Variants in VSIG10L2 observed in about 807,000 individuals in gnomAD.
The protein encoded by VSIG10L2 is V-set and immunoglobulin domain containing 10 like 2, also known as V-set and immunoglobulin domain-containing protein 10-like 2.
VSIG10L2 carries 56 observed loss-of-function variants against 67.1 expected under a neutral mutation model. The observed-to-expected ratio is 0.83, with a 90% confidence interval of 0.67 to 1.04. The LOEUF is 1.04. VSIG10L2 is among the 50% of genes least tolerant of loss of function. VSIG10L2 has a pLI of 0.00. For missense variants in VSIG10L2, 843 were observed against 932.8 expected (o/e 0.90, Z 1.25); for synonymous variants, 360 against 396.6 (o/e 0.91, Z 1.10).
In VSIG10L2 at chr11:125,948,049, C is replaced by T; in HGVS notation, c.433+13C>T. Reference sequence around the variant, plus strand: ...CTGGCTGTGCTGGGTGAGGGCCTGGCCCCAGCTGCAGCTGGTCCGCGGGCT... The same window carrying T: ...CTGGCTGTGCTGGGTGAGGGCCTGGTCCCAGCTGCAGCTGGTCCGCGGGCT... On this transcript the variant is annotated intron_variant, in intron 2 of 11. Coordinates refer to ENST00000686984, the MANE Select transcript of VSIG10L2 (RefSeq NM_001365077.2). The T allele has an allele frequency of 8.1e-7, 1 of 1,232,628 alleles. No individual in the cohort carries two copies. The highest frequency in any genetic ancestry group is 1.0e-6 in the Non-Finnish European group (1 of 988,368). The allele number at this position is 1,232,628 out of a possible 1,614,324, so 76.4% of individuals were successfully genotyped here.
chr11:125,951,025 G>T lies in VSIG10L2; in HGVS notation c.1101G>T (p.Gln367His). The change falls in exon 5 of 12, where the codon CAG (glutamine) becomes CAT (histidine). Residue 367 changes from glutamine to histidine, a missense_variant. By Grantham distance (24) the Gln-to-His change is conservative. This residue lies in a region of VSIG10L2 where 446 missense variants were observed against 548.4 expected (regional missense o/e 0.81). Coordinates refer to ENST00000686984, the MANE Select transcript of VSIG10L2 (RefSeq NM_001365077.2). ...CCCAACTGCAGTGGGAAGGGCCTCA[G>T]GGACCTGGCCCTACTGCCCCCAGCA... ...PPAQLQWEGPQGPGPTAPSNV... is the reference protein window; with the variant it reads ...PPAQLQWEGPHGPGPTAPSNV... The T allele has an allele frequency of 8.1e-7, 1 of 1,232,484 alleles. No individual in the cohort carries two copies. Among genetic ancestry groups the T allele is most frequent in the Non-Finnish European group, 1.0e-6 (1 of 988,230 alleles). The allele number at this position is 1,232,484 out of a possible 1,614,324, so 76.3% of individuals were successfully genotyped here. A position where few individuals can be genotyped will look rare whatever the true frequency, so the allele number is the denominator to read the frequency against.
chr11:125,950,308 T>G lies in VSIG10L2; in HGVS notation c.985+19T>G. ...ATCTACTGTGAGTGTGGGGGTCGGGTGACGCCCAGACCTGTCCTGGGGACA... is the reference window on the plus strand; with the variant it reads ...ATCTACTGTGAGTGTGGGGGTCGGGGGACGCCCAGACCTGTCCTGGGGACA... On this transcript the variant is annotated intron_variant, in intron 4 of 11. Coordinates refer to ENST00000686984, the MANE Select transcript of VSIG10L2 (RefSeq NM_001365077.2). The G allele has an allele frequency of 8.1e-7, 1 of 1,231,456 alleles. No homozygotes were observed. The highest frequency in any genetic ancestry group is 1.0e-6 in the Non-Finnish European group (1 of 987,374). 76.3% of individuals were successfully genotyped at this position (1,231,456 alleles called of 1,614,324 possible).
chr11:125,954,315 T>C lies in VSIG10L2; in HGVS notation c.2015T>C (p.Leu672Pro). 2 of 1,232,128 alleles carry C rather than the reference T, an allele frequency of 1.6e-6. No individual in the cohort carries two copies. Among genetic ancestry groups the C allele is most frequent in the South Asian group, 4.1e-5 (1 of 24,306 alleles). The allele number at this position is 1,232,128 out of a possible 1,614,324, so 76.3% of individuals were successfully genotyped here. Residue 672 changes from leucine to proline, a missense_variant, in exon 8 of 12, where the codon CTT becomes CCT. Physicochemically the swap from Leu to Pro is moderately conservative, Grantham distance 98 (BLOSUM62 -3). Transcript: ENST00000686984. ...CTGGGGGGCTTGGACCCCGGGGTCC[T>C]TTATGCCTTCCGCATCCTGGCTCTG... is the stretch of plus-strand genomic sequence containing the variant. ...RRLGGLDPGVLYAFRILALNH... is the reference protein window; with the variant it reads ...RRLGGLDPGVPYAFRILALNH...
At position 125,950,033 on chromosome 11, in the gene VSIG10L2, G is replaced by A. The variant is rs1945344954; in HGVS notation, c.729G>A (p.Val243=). 1 of 1,232,334 alleles carries A rather than the reference G, an allele frequency of 8.1e-7. No homozygotes were observed. The highest frequency in any genetic ancestry group is 1.5e-5 in the African/African-American group (1 of 64,560). 76.3% of individuals were successfully genotyped at this position (1,232,334 alleles called of 1,614,324 possible). A position where few individuals can be genotyped will look rare whatever the true frequency, so the allele number is the denominator to read the frequency against. ...CTCCAGATGGTCCTGACAAGCCTGT[G>A]ATCACCATGGAGCCGCTGGGACTCA... ...LDVIYGPDKP[V]ITMEPLGLTE... is the part of the protein sequence containing the mutation. The change falls in exon 4 of 12, where the codon GTG becomes GTA. Residue 243 remains valine (V), a synonymous_variant. Coordinates refer to ENST00000686984, the MANE Select transcript of VSIG10L2 (RefSeq NM_001365077.2).
rs1591530409 is a variant in VSIG10L2, at chr11:125,952,013, T to G, written c.1435T>G (p.Phe479Val). ...CCAAGAAGATCTGGCTGGCAGAGAG[T>G]TCACCTGCCGGGGCACTCACCTGCT... ...QAQEDLAGRE[F>V]TCRGTHLLRT... The change falls in exon 6 of 12, where the codon TTC becomes GTC. Residue 479 changes from phenylalanine to valine, a missense_variant. By Grantham distance (50) the Phe-to-Val change is conservative. Around this residue, in one of 2 missense-constraint regions of VSIG10L2, gnomAD observed 397 missense variants for 384.4 expected, o/e 1.03. Coordinates refer to ENST00000686984, the MANE Select transcript of VSIG10L2 (RefSeq NM_001365077.2). 6.5e-7 allele frequency: 1 copy of G among 1,535,818 alleles called. No individual in the cohort carries two copies. Among genetic ancestry groups the G allele is most frequent in the African/African-American group, 1.4e-5 (1 of 73,008 alleles).
At position 125,951,939 on chromosome 11, in the gene VSIG10L2, A is replaced by C. The variant is rs1194860105; in HGVS notation, c.1361A>C (p.Gln454Pro). 2 of 1,535,988 alleles carry C rather than the reference A, an allele frequency of 1.3e-6. No homozygotes were observed. The highest frequency in any genetic ancestry group is 1.7e-6 in the Non-Finnish European group (2 of 1,146,884). Residue 454 changes from glutamine (Q) to proline (P), a missense_variant, in exon 6 of 12, where the codon CAG (glutamine) becomes CCG (proline). Physicochemically the swap from Gln to Pro is moderately conservative, Grantham distance 76. Coordinates refer to ENST00000686984, the MANE Select transcript of VSIG10L2 (RefSeq NM_001365077.2). Reference protein sequence around the residue: ...ATLGWLDEQQQPLGGSSSSMA... With the variant: ...ATLGWLDEQQPPLGGSSSSMA... ...CTGGGCTGGCTTGACGAACAGCAGCAGCCCCTGGGCGGCAGCAGCTCCTCG... is the reference window on the plus strand; with the variant it reads ...CTGGGCTGGCTTGACGAACAGCAGCCGCCCCTGGGCGGCAGCAGCTCCTCG...
At position 125,953,455 on chromosome 11, in the gene VSIG10L2, G is replaced by A; in HGVS notation, c.1551G>A (p.Glu517=). ...EPRVSVLEGG[E]AWLECSLRGG... Reference sequence around the variant, plus strand: ...GCGTGTCAGTGTTGGAGGGGGGAGAGGCCTGGCTGGAGTGCTCTCTCCGCG... The same window carrying A: ...GCGTGTCAGTGTTGGAGGGGGGAGAAGCCTGGCTGGAGTGCTCTCTCCGCG... Residue 517 remains glutamate (E), a synonymous_variant, in exon 7 of 12, where the codon GAG becomes GAA. Coordinates refer to ENST00000686984, the MANE Select transcript of VSIG10L2 (RefSeq NM_001365077.2). 1.6e-6 allele frequency: 2 copies of A among 1,232,334 alleles called. No homozygotes were observed. The highest frequency in any genetic ancestry group is 4.1e-5 in the South Asian group (1 of 24,320). 76.3% of individuals were successfully genotyped at this position (1,232,334 alleles called of 1,614,324 possible).
Position 125,946,243 on chromosome 11 carries a change from G to A in VSIG10L2, c.82+106G>A, listed in dbSNP as rs118138546. 14 of 397,678 alleles carry A rather than the reference G, an allele frequency of 3.5e-5. No homozygotes were observed. Among genetic ancestry groups the A allele is most frequent in the African/African-American group, 1.2e-4 (6 of 48,732 alleles). 24.6% of individuals were successfully genotyped at this position (397,678 alleles called of 1,614,324 possible). A position where few individuals can be genotyped will look rare whatever the true frequency, so the allele number is the denominator to read the frequency against. On this transcript the variant is annotated intron_variant, in intron 1 of 11. Transcript: ENST00000686984. This position sits in a 1 kb window ranked among gnomAD's most constrained non-coding sequence, Gnocchi z 4.4. ...TTTTGCACTCCATTCCATGAAGTCC[G>A]TTCAGTCATTCATCGGCTAGACATT...
Position 125,949,918 on chromosome 11 carries a change from A to G in VSIG10L2, c.710-96A>G, listed in dbSNP as rs749464924. ...GTGGACACGGGCCAGTGCATACTAC[A>G]TGCCCCTAGGATGGATGCATACATT... On this transcript the variant is annotated intron_variant, in intron 3 of 11. Coordinates refer to ENST00000686984, the MANE Select transcript of VSIG10L2 (RefSeq NM_001365077.2). 377 of 1,183,316 alleles carry G rather than the reference A, an allele frequency of 3.2e-4. 1 individual carries two copies. The highest frequency in any genetic ancestry group is 3.9e-4 in the Non-Finnish European group (370 of 944,408). 73.3% of individuals were successfully genotyped at this position (1,183,316 alleles called of 1,614,324 possible).
intron 3 of VSIG10L2, among the ~76,000 whole-genome samples, chr11:125,949,574 G>A (rs1297305639): frequency 6.6e-6 from 1 of 151,954 alleles, no homozygotes; most frequent in African/African-American, 2.4e-5. Context: ...AGCTTGGAAC[G>A]CAGGAGAGAG....
Position 125,948,315 on chromosome 11 carries a change from C to T in VSIG10L2, c.444C>T (p.Ser148=). The T allele has an allele frequency of 8.1e-7, 1 of 1,232,650 alleles. No individual in the cohort carries two copies. The highest frequency in any genetic ancestry group is 4.1e-5 in the South Asian group (1 of 24,318). The allele number at this position is 1,232,650 out of a possible 1,614,324, so 76.4% of individuals were successfully genotyped here. A position where few individuals can be genotyped will look rare whatever the true frequency, so the allele number is the denominator to read the frequency against. ...HLTLAVLVPV[S]KPQVRLSNPS... is the part of the protein sequence containing the mutation. ...CCCTCCTCTGGCCAGTGCCGGTGTCCAAGCCTCAAGTGCGACTGAGTAACC... is the reference window on the plus strand; with the variant it reads ...CCCTCCTCTGGCCAGTGCCGGTGTCTAAGCCTCAAGTGCGACTGAGTAACC... Residue 148 remains serine, a synonymous_variant, in exon 3 of 12, where the codon TCC becomes TCT. Transcript: ENST00000686984.
At position 125,954,118 on chromosome 11, in the gene VSIG10L2, C is replaced by G; in HGVS notation, c.1818C>G (p.Ser606Arg). The G allele has an allele frequency of 8.1e-7, 1 of 1,232,262 alleles. No homozygotes were observed. The highest frequency in any genetic ancestry group is 3.2e-5 in the East Asian group (1 of 31,700). 76.3% of individuals were successfully genotyped at this position (1,232,262 alleles called of 1,614,324 possible). ...CAGCTCCTCCCAATGTCACCATCAG[C>G]CGCCTGACCTACGGGAGGCACCGGA... ...RYPAPPNVTI[S>R]RLTYGRHRRE... Residue 606 changes from serine (S) to arginine (R), a missense_variant, in exon 8 of 12, where the codon AGC (serine) becomes AGG (arginine). Ser to Arg is a moderately radical substitution (Grantham distance 110). Coordinates refer to ENST00000686984, the MANE Select transcript of VSIG10L2 (RefSeq NM_001365077.2).
At chr11:125,947,523 G>C in intron 1 of VSIG10L2, 163 bp from the exon 2 acceptor site, 1 of 985,384 alleles carries the variant, frequency 1.0e-6, no homozygotes, top group Non-Finnish European at 1.2e-6. Context: ...CACACAAACT[G>C]TCTCTTGCCC....
rs374299796 is a variant in VSIG10L2 at position 125,948,558 on chromosome 11, C to T, written c.687C>T (p.Asp229=). The change falls in exon 3 of 12, where the codon GAC becomes GAT. Residue 229 remains aspartate (D), a synonymous_variant. Coordinates refer to ENST00000686984, the MANE Select transcript of VSIG10L2 (RefSeq NM_001365077.2). ...ACTCCGTGAACAGGCTGAGCAGTGA[C>T]GGGGCCTTCCTGGACGTCATTTGTG... ...ASNSVNRLSS[D]GAFLDVIYGP... 43 of 1,232,154 alleles carry T rather than the reference C, an allele frequency of 3.5e-5. No homozygotes were observed. Among genetic ancestry groups the T allele is most frequent in the Non-Finnish European group, 4.0e-5 (40 of 988,074 alleles). 76.3% of individuals were successfully genotyped at this position (1,232,154 alleles called of 1,614,324 possible). A position where few individuals can be genotyped will look rare whatever the true frequency, so the allele number is the denominator to read the frequency against.
intron 5 of VSIG10L2, 34 bp downstream of exon 5, chr11:125,951,192 A>G: frequency 2.4e-6 from 3 of 1,232,600 alleles, no homozygotes; most frequent in Non-Finnish European, 3.0e-6. Context: ...GGGCTCTGAC[A>G]TTCCAGGCAG....
Position 125,956,107 on chromosome 11 carries a change from C to T in VSIG10L2, c.*193C>T, listed in dbSNP as rs1348254837. On this transcript the variant is annotated 3_prime_UTR_variant, in exon 12 of 12. Coordinates refer to ENST00000686984, the MANE Select transcript of VSIG10L2 (RefSeq NM_001365077.2). Reference sequence around the variant, plus strand: ...AAGTGACATGGTTACAAGAGAAGCCCTGGCCCACCTTGTGGAAGACAGAGG... The same window carrying T: ...AAGTGACATGGTTACAAGAGAAGCCTTGGCCCACCTTGTGGAAGACAGAGG... The T allele has an allele frequency of 1.5e-6, 1 of 682,272 alleles. No homozygotes were observed. Among genetic ancestry groups the T allele is most frequent in the Admixed American group, 2.0e-5 (1 of 49,246 alleles). The allele number at this position is 682,272 out of a possible 1,614,324, so 42.3% of individuals were successfully genotyped here.
chr11:125,952,681 CTGTT>C (rs1218460536), intron 6 of VSIG10L2, among the ~76,000 whole-genome samples: 1 of 152,342 alleles, frequency 6.6e-6, no homozygotes, highest in East Asian at 1.9e-4. Context: ...CTCTCTTACT[CTGTT>C]TGGTTTTGGT....
chr11:125,952,266 T>G (rs1426278283), intron 6 of VSIG10L2, among the ~76,000 whole-genome samples, 193 bp downstream of exon 6: 1 of 152,174 alleles, frequency 6.6e-6, no homozygotes, highest in African/African-American at 2.4e-5. Flanking sequence ...AATGAGGGGG[T>G]TAGGCTAGGT....
At chr11:125,955,250 G>T in intron 9 of VSIG10L2, 71 bp downstream of exon 9, 1 of 1,308,274 alleles carries the variant, frequency 7.6e-7, no homozygotes, top group Non-Finnish European at 9.7e-7. Flanking sequence ...ATCCAAAGGA[G>T]AGATGCAGCA....
Sources: allele counts gnomAD v4.1 joint callset (sites outside exome capture counted in the v4.1 genomes callset), GRCh38; gene constraint gnomAD v4.1.1; regional missense constraint gnomAD v4.1.1; non-coding constraint Gnocchi (gnomAD v3.1); transcripts MANE v1.5; gene names NCBI Gene and HGNC (gene_info 2026-07-23, HGNC 2026-07-21).